The following TMEM45B variants were observed in gnomAD, a reference collection of about 807,000 sequenced individuals.
TMEM45B encodes transmembrane protein 45B.
Under a neutral mutation model 27.3 loss-of-function variants are expected in TMEM45B, and 29 were observed. The observed-to-expected ratio is 1.06, with a 90% CI of 0.79 to 1.45. The LOEUF (loss-of-function observed/expected upper bound fraction) is 1.45, where lower values mean the gene tolerates loss of function less well. TMEM45B is among the 40% of genes most tolerant of loss of function. The pLI is 0.00. For synonymous variants in TMEM45B, 143 were observed against 134.7 expected (o/e 1.06, Z -0.43); for missense variants, 348 against 343.9 (o/e 1.01, Z -0.09).
Position 129,854,817 on chromosome 11 carries a change from G to T in TMEM45B, c.385+1G>T, listed in dbSNP as rs1180969592. The T allele has an allele frequency of 6.2e-7, 1 of 1,612,242 alleles. No homozygotes were observed. Among genetic ancestry groups the T allele is most frequent in the Non-Finnish European group, 8.5e-7 (1 of 1,179,882 alleles). Reference sequence around the variant, plus strand: ...ATGGCTGTGGCAGTATTCATGGAAGGTAATTTTGTGGAACGGATGGAGAGG... The same window carrying T: ...ATGGCTGTGGCAGTATTCATGGAAGTTAATTTTGTGGAACGGATGGAGAGG... On this transcript the variant is annotated splice_donor_variant, in intron 3 of 5. Coordinates refer to ENST00000281441, the MANE Select transcript of TMEM45B (RefSeq NM_138788.5). LOFTEE classifies it high-confidence loss of function.
chr11:129,854,679 A>C lies in TMEM45B; in HGVS notation c.248A>C (p.Lys83Thr), dbSNP rs752722620. 1.6e-5 allele frequency: 26 copies of C among 1,614,110 alleles called. No homozygotes were observed. Among genetic ancestry groups the C allele is most frequent in the Non-Finnish European group, 2.2e-5 (26 of 1,180,050 alleles). Residue 83 changes from lysine to threonine, a missense_variant, in exon 3 of 6, where the codon AAG becomes ACG. Physicochemically the swap from Lys to Thr is moderately conservative, Grantham distance 78. Transcript: ENST00000281441. ...LHLYHENHWI[K>T]LMNWQHSTMY... ...CTCTACCATGAGAACCACTGGATAAAGTTAATGAATTGGCAGCACAGCACC... is the reference window on the plus strand; with the variant it reads ...CTCTACCATGAGAACCACTGGATAACGTTAATGAATTGGCAGCACAGCACC...
intron 1 of TMEM45B, among the ~76,000 whole-genome samples, chr11:129,832,197 C>A (rs1032497912): frequency 6.6e-6 from 1 of 151,860 alleles, no homozygotes; most frequent in Non-Finnish European, 1.5e-5. Context: ...GGTGAAACCC[C>A]GTTTCTACTA....
chr11:129,848,467 A>C lies in TMEM45B; in HGVS notation c.-8-4008A>C, dbSNP rs1350539255. Among the ~76,000 whole-genome samples, 10 of 152,346 alleles carry C rather than the reference A, an allele frequency of 6.6e-5. No individual in the cohort carries two copies. The East Asian group carries it at 1.4e-3, about 21-fold the overall frequency. The stretch of plus-strand genomic sequence containing the variant: ...CAGTGAGCCGAGATGGCAGCAGCAC[A>C]GTCCAGCTTCGGCTCGGCATGAAAG... On this transcript the variant is annotated intron_variant, in intron 1 of 5. Coordinates refer to ENST00000281441, the MANE Select transcript of TMEM45B (RefSeq NM_138788.5).
rs10537485 is a variant in TMEM45B, at chr11:129,845,271, A to ATGTGTGTG, written c.-8-7184_-8-7177dup. ...TTAATGGCTTATTTTGTGTGTGTGT[A>ATGTGTGTG]TGTGTGTGTGTGTGTGTGTGTGTGT... On this transcript the variant is annotated intron_variant, in intron 1 of 5. Coordinates refer to ENST00000281441, the MANE Select transcript of TMEM45B (RefSeq NM_138788.5). Among the ~76,000 whole-genome samples the ATGTGTGTG allele has an allele frequency of 3.7e-3, 522 of 140,304 alleles. 3 individuals carry two copies. The highest frequency in any genetic ancestry group is 0.014 in the African/African-American group (497 of 35,782). 92.0% of individuals were successfully genotyped at this position (140,304 alleles called of 152,430 possible). A position where few individuals can be genotyped will look rare whatever the true frequency, so the allele number is the denominator to read the frequency against.
chr11:129,846,871 A>G lies in TMEM45B; in HGVS notation c.-8-5604A>G, dbSNP rs141980847. On this transcript the variant is annotated intron_variant, in intron 1 of 5. Coordinates refer to ENST00000281441, the MANE Select transcript of TMEM45B (RefSeq NM_138788.5). ...CTGTTCTAGAAGCCACAGACAGTGC[A>G]ATGTCCTGAAGCAGGAATGGAGTGT... 5.4e-3 allele frequency among the ~76,000 whole-genome samples: 817 copies of G among 152,306 alleles called. 8 individuals carry two copies. The highest frequency in any genetic ancestry group is 0.017 in the African/African-American group (689 of 41,572).
chr11:129,837,308 C>T (rs149461855), intron 1 of TMEM45B, among the ~76,000 whole-genome samples: 1,915 of 151,672 alleles, frequency 0.013, 34 homozygotes, highest in African/African-American at 0.044. Context: ...TGTTTTGAGA[C>T]GGAGTCTTGC....
At chr11:129,820,081 A>G (rs1206921411) in intron 1 of TMEM45B, among the ~76,000 whole-genome samples, 3 of 151,932 alleles carry the variant, frequency 2.0e-5, no homozygotes, top group Non-Finnish European at 4.4e-5. Flanking sequence ...TGGGAGGTCA[A>G]GGCGGGTGGA....
intron 1 of TMEM45B, among the ~76,000 whole-genome samples, chr11:129,834,502 AAC>A (rs34454140): frequency 0.88 from 133,418 of 151,664 alleles, 59,332 homozygotes; most frequent in East Asian, 1. Flanking sequence ...AGAAAGAAAA[AAC>A]AGAGCTGTAG....
chr11:129,837,584 G>GTTTTTTTTTTTTTTTTTTTTTTT (rs1387294363), intron 1 of TMEM45B, among the ~76,000 whole-genome samples: 18 of 34,932 alleles, frequency 5.2e-4, no homozygotes, highest in Admixed American at 2.8e-3. Flanking sequence ...ACTGCACTGG[G>GTTTTTTTTTTTTTTTTTTTTTTT]CTTTTTTTTT....
chr11:129,846,757 T>G (rs1947765793), intron 1 of TMEM45B, among the ~76,000 whole-genome samples: 1 of 152,220 alleles, frequency 6.6e-6, no homozygotes, highest in Non-Finnish European at 1.5e-5. Context: ...AGGCCTCTAT[T>G]GTACATGCAG....
chr11:129,833,924 G>C (rs1947585506), intron 1 of TMEM45B, among the ~76,000 whole-genome samples: 1 of 152,228 alleles, frequency 6.6e-6, no homozygotes, highest in Non-Finnish European at 1.5e-5. Context: ...CTAGCTTCCA[G>C]AACTGTTAGA....
intron 4 of TMEM45B, 78 bp downstream of exon 4, chr11:129,855,970 C>A: frequency 6.5e-7 from 1 of 1,530,312 alleles, no homozygotes; most frequent in Non-Finnish European, 8.9e-7. Flanking sequence ...AAATCCCTGA[C>A]GAGAATATGG....
In TMEM45B at chr11:129,854,597, C is replaced by G; in HGVS notation, c.179-13C>G. On this transcript the variant is annotated splice_polypyrimidine_tract_variant and intron_variant, in intron 2 of 5. Coordinates refer to ENST00000281441, the MANE Select transcript of TMEM45B (RefSeq NM_138788.5). Reference sequence around the variant, plus strand: ...CTCTTCCCTCTAAAACATCCATCCTCATTTCCCTGCAGGGATCCTGGCAGA... The same window carrying G: ...CTCTTCCCTCTAAAACATCCATCCTGATTTCCCTGCAGGGATCCTGGCAGA... 6.2e-7 allele frequency: 1 copy of G among 1,613,706 alleles called. No homozygotes were observed. Among genetic ancestry groups the G allele is most frequent in the South Asian group, 1.1e-5 (1 of 91,028 alleles).
At chr11:129,857,225 TG>T in intron 4 of TMEM45B, 87 bp from the exon 5 acceptor site, 1 of 1,495,368 alleles carries the variant, frequency 6.7e-7, no homozygotes, top group Non-Finnish European at 9.2e-7. Context: ...TGGTCACACA[TG>T]GGCCACTTCG....
At chr11:129,856,981 T>C (rs1947937401) in intron 4 of TMEM45B, among the ~76,000 whole-genome samples, 1 of 151,862 alleles carries the variant, frequency 6.6e-6, no homozygotes, top group East Asian at 1.9e-4. Context: ...GCCTCCCAGT[T>C]AGCTAGGATT....
At chr11:129,825,977 A>AG (rs1555069129) in intron 1 of TMEM45B, among the ~76,000 whole-genome samples, 654 of 41,488 alleles carry the variant, frequency 0.016, 5 homozygotes, top group African/African-American at 0.035. Context: ...AATATATGTA[A>AG]GGTTTTTTTT....
rs551311607 is a variant in TMEM45B, at chr11:129,841,041, G to A, written c.-8-11434G>A. Among the ~76,000 whole-genome samples, 14 of 150,510 alleles carry A rather than the reference G, an allele frequency of 9.3e-5. No individual in the cohort carries two copies. The South Asian group carries it at 2.9e-3, about 32-fold the overall frequency. On this transcript the variant is annotated intron_variant, in intron 1 of 5. Coordinates refer to ENST00000281441, the MANE Select transcript of TMEM45B (RefSeq NM_138788.5). ...TCAAAACCAAGCATTTCAGGGAACT[G>A]GAAATTGACAAAATGCAGGCAAAAA...
intron 1 of TMEM45B, among the ~76,000 whole-genome samples, chr11:129,829,494 T>C (rs1159766465): frequency 6.6e-6 from 1 of 152,196 alleles, no homozygotes; most frequent in Non-Finnish European, 1.5e-5. Context: ...GAATTACATG[T>C]GGTTTTGCTT....
At chr11:129,829,410 C>A (rs575285432) in intron 1 of TMEM45B, among the ~76,000 whole-genome samples, 1 of 152,138 alleles carries the variant, frequency 6.6e-6, no homozygotes, top group Non-Finnish European at 1.5e-5. Context: ...TTTGATTTTA[C>A]TTTTAAGTAT....
Sources: allele counts gnomAD v4.1 joint callset (sites outside exome capture counted in the v4.1 genomes callset), GRCh38; gene constraint gnomAD v4.1.1; transcripts MANE v1.5; gene names NCBI Gene and HGNC (gene_info 2026-07-23, HGNC 2026-07-21).